CTNNA2: variants seen among roughly 807,000 people sequenced by gnomAD.
The protein encoded by CTNNA2 is catenin alpha 2.
Under a neutral mutation model 101.0 loss-of-function variants are expected in CTNNA2, and 42 were observed. The observed-to-expected ratio is 0.42, with a 90% CI of 0.32 to 0.54. The LOEUF (loss-of-function observed/expected upper bound fraction) is 0.54. CTNNA2 is among the 20% of genes least tolerant of loss of function. CTNNA2 has a pLI of 0.14. For synonymous variants in CTNNA2, 450 were observed against 456.4 expected, an observed-to-expected ratio of 0.99 and a Z score of 0.18; for missense variants, 871 against 1,223.1, an observed-to-expected ratio of 0.71 and a Z score of 4.29.
At chr2:79,841,284 T>C (rs1679788580) in intron 3 of CTNNA2, among the ~76,000 whole-genome samples, 1 of 152,208 alleles carries the variant, frequency 6.6e-6, no homozygotes, top group South Asian at 2.1e-4. Context: ...TGGTACATTC[T>C]CAGAGACAAA....
chr2:79,341,262 A>G (rs893013011), intron 3 of CTNNA2, among the ~76,000 whole-genome samples: 189 of 152,302 alleles, frequency 1.2e-3, no homozygotes, highest in African/African-American at 4.3e-3. Context: ...TACAGTCTAG[A>G]ATGAATATAA....
chr2:79,392,639 G>A (rs1420561505), intron 4 of CTNNA2, among the ~76,000 whole-genome samples: 3 of 151,888 alleles, frequency 2.0e-5, no homozygotes, highest in African/African-American at 7.3e-5. Context: ...ATCTTTTTAA[G>A]GTTTTCTTTT....
At chr2:79,552,189 C>T (rs1020779700) in intron 1 of CTNNA2, among the ~76,000 whole-genome samples, 1 of 152,174 alleles carries the variant, frequency 6.6e-6, no homozygotes, top group Non-Finnish European at 1.5e-5. Flanking sequence ...TAAATACTCC[C>T]ATTCCAAAAG....
chr2:79,483,979 G>A (rs1482106636), intron 4 of CTNNA2, among the ~76,000 whole-genome samples: 3 of 151,948 alleles, frequency 2.0e-5, no homozygotes, highest in Admixed American at 6.6e-5. Flanking sequence ...GGACTTCTGC[G>A]TTTAAAAATA....
chr2:80,305,554 C>T (rs892873470), intron 7 of CTNNA2, among the ~76,000 whole-genome samples: 6 of 151,978 alleles, frequency 3.9e-5, no homozygotes, highest in African/African-American at 1.4e-4. Context: ...TGAAGCCTAC[C>T]CGTCTCCATA....
intron 4 of CTNNA2, among the ~76,000 whole-genome samples, chr2:79,450,386 G>A (rs935124347): frequency 6.6e-6 from 1 of 151,952 alleles, no homozygotes; most frequent in Non-Finnish European, 1.5e-5. Flanking sequence ...TTACATATGG[G>A]ATTCTTTGTC....
chr2:79,695,095 A>G (rs1483492674), intron 2 of CTNNA2, among the ~76,000 whole-genome samples: 1 of 145,524 alleles, frequency 6.9e-6, no homozygotes, highest in Non-Finnish European at 1.5e-5. Flanking sequence ...TTTTAATGTT[A>G]CATTTGAAGA....
chr2:80,495,529 G>A (rs1419907864), intron 9 of CTNNA2, among the ~76,000 whole-genome samples: 3 of 152,140 alleles, frequency 2.0e-5, no homozygotes, highest in Non-Finnish European at 4.4e-5. Flanking sequence ...TTAACCCCCA[G>A]TACCTCATAC....
At chr2:79,841,255 C>T (rs1329144135) in intron 3 of CTNNA2, among the ~76,000 whole-genome samples, 1 of 152,164 alleles carries the variant, frequency 6.6e-6, no homozygotes, top group East Asian at 1.9e-4. Flanking sequence ...CTCAAGAAAT[C>T]TGAGTCCTAC....
chr2:79,673,642 AT>A (rs1235742434), intron 2 of CTNNA2, among the ~76,000 whole-genome samples: 3 of 152,136 alleles, frequency 2.0e-5, no homozygotes, highest in Admixed American at 2.0e-4. Context: ...ATGAATGACC[AT>A]TTGCCTTTTT....
chr2:79,238,310 A>G (rs1674582996), intron 2 of CTNNA2, among the ~76,000 whole-genome samples: 1 of 152,324 alleles, frequency 6.6e-6, no homozygotes, highest in Non-Finnish European at 1.5e-5. Flanking sequence ...ACCATCTTAC[A>G]TGGCTGTGAT....
intron 2 of CTNNA2, among the ~76,000 whole-genome samples, chr2:79,738,697 A>G (rs949656680): frequency 3.3e-5 from 5 of 152,246 alleles, no homozygotes; most frequent in African/African-American, 1.2e-4. Context: ...ATGGTATTAT[A>G]AGATAAAAAT....
At chr2:79,573,213 G>T (rs1467321504) in intron 1 of CTNNA2, among the ~76,000 whole-genome samples, 1 of 152,300 alleles carries the variant, frequency 6.6e-6, no homozygotes, top group Non-Finnish European at 1.5e-5. Context: ...TAAAGCAAGA[G>T]AATGCTATTC....
chr2:79,666,087 C>T (rs1439068264), intron 2 of CTNNA2, among the ~76,000 whole-genome samples: 1 of 152,126 alleles, frequency 6.6e-6, no homozygotes, highest in Non-Finnish European at 1.5e-5. Context: ...CAGACTTTTT[C>T]AAGCACAGTA....
chr2:79,919,982 C>T (rs1311350323), intron 7 of CTNNA2, among the ~76,000 whole-genome samples: 1 of 152,076 alleles, frequency 6.6e-6, no homozygotes, highest in Non-Finnish European at 1.5e-5. Flanking sequence ...TTTTGGAGGC[C>T]GAGGTGGGTG....
At chr2:79,398,259 CTA>C (rs1163952436) in intron 4 of CTNNA2, among the ~76,000 whole-genome samples, 7 of 152,106 alleles carry the variant, frequency 4.6e-5, no homozygotes, top group Admixed American at 3.9e-4. Flanking sequence ...CTGTAGTAAA[CTA>C]TGATTTGTCT....
intron 7 of CTNNA2, among the ~76,000 whole-genome samples, chr2:80,337,100 A>T (rs1351479903): frequency 6.6e-6 from 1 of 152,162 alleles, no homozygotes; most frequent in African/African-American, 2.4e-5. Flanking sequence ...TTACCCCTGT[A>T]ATCCCAGCAC....
At chr2:79,282,020 T>C (rs1475162350) in intron 2 of CTNNA2, among the ~76,000 whole-genome samples, 1 of 152,108 alleles carries the variant, frequency 6.6e-6, no homozygotes, top group Non-Finnish European at 1.5e-5. Flanking sequence ...AATAATAACA[T>C]GGTTATCTTT....
At chr2:79,279,264 T>C (rs1051291913) in intron 2 of CTNNA2, among the ~76,000 whole-genome samples, 40 of 152,182 alleles carry the variant, frequency 2.6e-4, no homozygotes, top group African/African-American at 9.6e-4. Context: ...TTGTGTGCCC[T>C]CGCATAGAAA....
Sources: gnomAD v4.1 joint callset for allele counts (sites outside exome capture counted in the v4.1 genomes callset) on GRCh38, gnomAD v4.1.1 for gene constraint, MANE v1.5 for transcripts, NCBI Gene and HGNC (gene_info 2026-07-23, HGNC 2026-07-21) for gene names.